Variants in ZNF385D observed in about 807,000 individuals in gnomAD.
ZNF385D encodes zinc finger protein 659.
In ZNF385D, 15 loss-of-function variants were observed where a neutral mutation model predicts 35.8. The observed-to-expected ratio is 0.42, with a 90% CI of 0.28 to 0.64. ZNF385D has a LOEUF of 0.64. Among genes scored for constraint, ZNF385D ranks in the 30% least tolerant of loss-of-function variants. The pLI, the probability that ZNF385D is intolerant of heterozygous loss-of-function variation, is 0.23. For missense variants in ZNF385D, 474 were observed against 494.6 expected, an observed-to-expected ratio of 0.96 and a Z score of 0.39; for synonymous variants, 212 against 186.8, an observed-to-expected ratio of 1.13 and a Z score of -1.10.
At chr3:21,431,825 A>C (rs1183317915) in intron 5 of ZNF385D, among the ~76,000 whole-genome samples, 4 of 152,202 alleles carry the variant, frequency 2.6e-5, no homozygotes, top group Admixed American at 6.5e-5. Flanking sequence ...CAATAAGGTC[A>C]TGAACACTAA....
At chr3:21,779,038 G>C (rs2071396747) in intron 3 of ZNF385D, among the ~76,000 whole-genome samples, 1 of 151,944 alleles carries the variant, frequency 6.6e-6, no homozygotes, top group Admixed American at 6.6e-5. Context: ...TCAGAAAGTG[G>C]TTATCTGGTG....
intron 2 of ZNF385D, among the ~76,000 whole-genome samples, chr3:22,217,593 C>A (rs1697967484): frequency 1.3e-5 from 2 of 152,070 alleles, no homozygotes; most frequent in South Asian, 4.1e-4. Flanking sequence ...GAATCTGTAA[C>A]AGAGGTAAAT....
chr3:22,290,798 A>C (rs1423863774), intron 2 of ZNF385D, among the ~76,000 whole-genome samples: 1 of 152,136 alleles, frequency 6.6e-6, no homozygotes, highest in East Asian at 1.9e-4. Context: ...GTGTTGATGG[A>C]ACAGGGAGAG....
intron 2 of ZNF385D, among the ~76,000 whole-genome samples, chr3:22,312,418 A>T (rs1000969462): frequency 6.6e-6 from 1 of 152,144 alleles, no homozygotes; most frequent in African/African-American, 2.4e-5. Flanking sequence ...TTTTAGTACT[A>T]AAGAGCTTCT....
chr3:22,312,164 G>A (rs1051135665), intron 2 of ZNF385D, among the ~76,000 whole-genome samples: 1 of 152,032 alleles, frequency 6.6e-6, no homozygotes, highest in Non-Finnish European at 1.5e-5. Flanking sequence ...TCTTCCCTTT[G>A]TATTATGATA....
chr3:21,939,920 A>T (rs1017640055), intron 3 of ZNF385D, among the ~76,000 whole-genome samples: 1 of 152,190 alleles, frequency 6.6e-6, no homozygotes, highest in Non-Finnish European at 1.5e-5. Flanking sequence ...AAAAATTCAC[A>T]TAGGGAGTGA....
chr3:21,538,762 G>A (rs1162549842), intron 3 of ZNF385D, among the ~76,000 whole-genome samples: 5 of 152,044 alleles, frequency 3.3e-5, no homozygotes, highest in African/African-American at 9.7e-5. Flanking sequence ...GGGGCATGGA[G>A]GGGGGAAAGG....
At chr3:21,794,421 G>C (rs1430930033) in intron 3 of ZNF385D, among the ~76,000 whole-genome samples, 1 of 152,060 alleles carries the variant, frequency 6.6e-6, no homozygotes, top group Admixed American at 6.6e-5. Flanking sequence ...CAGTGGATTA[G>C]AAAGTTTCTG....
At chr3:22,150,679 C>A (rs1705169357) in intron 3 of ZNF385D, among the ~76,000 whole-genome samples, 1 of 152,118 alleles carries the variant, frequency 6.6e-6, no homozygotes, top group South Asian at 2.1e-4. Context: ...GATATCTTAT[C>A]TAGCTTGTCA....
At chr3:21,483,785 C>G (rs1469523030) in intron 4 of ZNF385D, among the ~76,000 whole-genome samples, 1 of 152,122 alleles carries the variant, frequency 6.6e-6, no homozygotes, top group Non-Finnish European at 1.5e-5. Flanking sequence ...TTCTTGCTGT[C>G]AAGTTTAAAG....
At chr3:22,213,904 GA>G (rs1257856395) in intron 2 of ZNF385D, among the ~76,000 whole-genome samples, 3 of 151,990 alleles carry the variant, frequency 2.0e-5, no homozygotes, top group Non-Finnish European at 4.4e-5. Flanking sequence ...TACACCAGAA[GA>G]AAATTTATAA....
At position 21,810,865 on chromosome 3, in the gene ZNF385D, G is replaced by T. The variant is rs569345324; in HGVS notation, c.326-145837C>A. ...GGTAGATATTCTTAGGATAAAATAA[G>T]TTGTAAAGATAAATTAAATGGTAAA... On this transcript the variant is annotated intron_variant, in intron 3 of 5. Transcript: ENST00000494108. 7.2e-5 allele frequency among the ~76,000 whole-genome samples: 11 copies of T among 151,728 alleles called. No individual in the cohort carries two copies. The East Asian group carries it at 2.1e-3, about 30-fold the overall frequency.
intron 2 of ZNF385D, among the ~76,000 whole-genome samples, chr3:22,210,194 G>C (rs1465738996): frequency 6.6e-6 from 1 of 151,780 alleles, no homozygotes; most frequent in Non-Finnish European, 1.5e-5. Flanking sequence ...CATTTAGAGA[G>C]CTGCATTAAT....
chr3:21,627,795 A>G lies in ZNF385D; in HGVS notation c.165+37091T>C, dbSNP rs184200077. Among the ~76,000 whole-genome samples the G allele has an allele frequency of 2.5e-4, 38 of 152,208 alleles. 1 individual carries two copies. The highest frequency in any genetic ancestry group is 2.2e-3 in the Admixed American group (33 of 15,270). On this transcript the variant is annotated intron_variant, in intron 2 of 7. Coordinates refer to ENST00000281523, the MANE Select transcript of ZNF385D (RefSeq NM_024697.3). ...CTGGAGTGGAAGGAAATTTTCTATT[A>G]AAGTTCATCGTCCCAGTCACTTATA...
chr3:22,225,220 A>G (rs1010564473), intron 2 of ZNF385D, among the ~76,000 whole-genome samples: 1 of 152,126 alleles, frequency 6.6e-6, no homozygotes. Context: ...TAACGTGTAA[A>G]CTGGAATTCA....
At chr3:22,139,025 C>T (rs1360279532) in intron 3 of ZNF385D, among the ~76,000 whole-genome samples, 1 of 152,206 alleles carries the variant, frequency 6.6e-6, no homozygotes, top group Non-Finnish European at 1.5e-5. Flanking sequence ...ACAGACACTT[C>T]TCAAAAGAAG....
intron 2 of ZNF385D, among the ~76,000 whole-genome samples, chr3:21,608,012 C>CTTTT (rs368555930): frequency 1.5e-4 from 18 of 123,968 alleles, no homozygotes; most frequent in African/African-American, 5.6e-4. Flanking sequence ...TCTTTTTCTT[C>CTTTT]TTTTTTTTTT....
chr3:22,167,635 A>C (rs1706421830), intron 3 of ZNF385D, among the ~76,000 whole-genome samples: 1 of 152,184 alleles, frequency 6.6e-6, no homozygotes, highest in Non-Finnish European at 1.5e-5. Context: ...GCAGTGGGGC[A>C]GAGCCAGCCC....
At chr3:22,042,953 G>C (rs1698759040) in intron 3 of ZNF385D, among the ~76,000 whole-genome samples, 1 of 152,078 alleles carries the variant, frequency 6.6e-6, no homozygotes, top group African/African-American at 2.4e-5. Flanking sequence ...TTCTCAACTA[G>C]GATCAGTTGT....
Sources: allele counts gnomAD v4.1 joint callset (sites outside exome capture counted in the v4.1 genomes callset), GRCh38; gene constraint gnomAD v4.1.1; transcripts MANE v1.5; gene names NCBI Gene and HGNC (gene_info 2026-07-23, HGNC 2026-07-21).